CDH11: variants seen among roughly 807,000 people sequenced by gnomAD.
The protein encoded by CDH11 is cadherin-11.
Under a neutral mutation model 67.8 loss-of-function variants are expected in CDH11, and 11 were observed. That is an observed-to-expected ratio of 0.16 (90% CI 0.10 to 0.27). CDH11 has a LOEUF of 0.27. Among genes scored for constraint, CDH11 ranks in the 10% least tolerant of loss-of-function variants. CDH11 has a pLI of 1.00. For synonymous variants in CDH11, 419 were observed against 400.0 expected, an observed-to-expected ratio of 1.05 and a Z score of -0.57; for missense variants, 847 against 1,031.2, an observed-to-expected ratio of 0.82 and a Z score of 2.45.
chr16:65,114,607 T>C (rs2075211634), intron 1 of CDH11, among the ~76,000 whole-genome samples: 1 of 152,012 alleles, frequency 6.6e-6, no homozygotes, highest in Non-Finnish European at 1.5e-5. Flanking sequence ...TCCTTCCTTT[T>C]CCCCGGCAAA....
intron 11 of CDH11, among the ~76,000 whole-genome samples, chr16:64,964,544 T>G (rs531655192): frequency 6.6e-6 from 1 of 151,980 alleles, no homozygotes; most frequent in African/African-American, 2.4e-5. Context: ...TATTTATTTA[T>G]TTATTTATTT....
intron 2 of CDH11, among the ~76,000 whole-genome samples, chr16:65,037,400 A>C (rs1024129877): frequency 2.0e-5 from 3 of 152,162 alleles, no homozygotes; most frequent in Non-Finnish European, 4.4e-5. Flanking sequence ...ACCTCTGTCT[A>C]CACAGCCCCA....
At chr16:65,021,876 G>GAAAAAAAAAAAAAAAAAA (rs35700448) in intron 2 of CDH11, among the ~76,000 whole-genome samples, 2 of 109,846 alleles carry the variant, frequency 1.8e-5, no homozygotes, top group Non-Finnish European at 3.6e-5. Flanking sequence ...AAGTAACTCA[G>GAAAAAAAAAAAAAAAAAA]AAAAAAAAAA....
intron 7 of CDH11, among the ~76,000 whole-genome samples, chr16:64,984,085 T>C (rs2142467114): frequency 6.6e-6 from 1 of 152,302 alleles, no homozygotes; most frequent in Middle Eastern, 3.4e-3. Context: ...ATGTGGGATG[T>C]ACTTTCCCAG....
At chr16:65,085,035 G>A (rs765236674) in intron 1 of CDH11, among the ~76,000 whole-genome samples, 28 of 152,166 alleles carry the variant, frequency 1.8e-4, no homozygotes, top group Admixed American at 7.9e-4. Context: ...TCAGCCTCCC[G>A]AGTAGTTGGG....
intron 2 of CDH11, among the ~76,000 whole-genome samples, chr16:65,008,625 C>T (rs113827744): frequency 6.6e-6 from 1 of 152,188 alleles, no homozygotes; most frequent in Non-Finnish European, 1.5e-5. Flanking sequence ...CATTAAACAA[C>T]TTATGCAGAC....
chr16:65,042,100 T>A (rs548025791), intron 2 of CDH11, among the ~76,000 whole-genome samples: 4 of 152,298 alleles, frequency 2.6e-5, no homozygotes, highest in African/African-American at 9.6e-5. Flanking sequence ...TGTAGTCACA[T>A]TGGTTTAGTC....
intron 1 of CDH11, among the ~76,000 whole-genome samples, chr16:65,055,310 G>T (rs562964592): frequency 2.6e-5 from 4 of 152,194 alleles, no homozygotes; most frequent in Non-Finnish European, 5.9e-5. Flanking sequence ...AACAGCAGAA[G>T]TGACACTCTG....
Position 64,947,050 on chromosome 16 carries a change from A to T in CDH11, c.*553T>A. ...TTAAGATGAAAGTAGAAGCAAAAAGATTTACAAGAATCAGCAGTAACAAGA... is the reference window on the plus strand; with the variant it reads ...TTAAGATGAAAGTAGAAGCAAAAAGTTTTACAAGAATCAGCAGTAACAAGA... On this transcript the variant is annotated 3_prime_UTR_variant, in exon 13 of 13. Transcript: ENST00000268603. The T allele has an allele frequency of 1.9e-6, 2 of 1,032,004 alleles. No individual in the cohort carries two copies. Among genetic ancestry groups the T allele is most frequent in the Non-Finnish European group, 2.3e-6 (2 of 857,710 alleles). 63.9% of individuals were successfully genotyped at this position (1,032,004 alleles called of 1,614,324 possible).
At chr16:64,990,150 C>A (rs970453131) in intron 6 of CDH11, among the ~76,000 whole-genome samples, 3 of 152,154 alleles carry the variant, frequency 2.0e-5, no homozygotes, top group African/African-American at 4.8e-5. Context: ...TGTAACTTTA[C>A]TATATGATTG....
chr16:65,117,573 CACA>C (rs2075263402), intron 1 of CDH11, among the ~76,000 whole-genome samples: 1 of 152,132 alleles, frequency 6.6e-6, no homozygotes, highest in Non-Finnish European at 1.5e-5. Flanking sequence ...TTAGGTTTTT[CACA>C]ACAATATCAA....
At chr16:64,953,456 C>G (rs2071419159) in intron 11 of CDH11, among the ~76,000 whole-genome samples, 1 of 152,028 alleles carries the variant, frequency 6.6e-6, no homozygotes, top group Admixed American at 6.5e-5. Context: ...CAACACAGAA[C>G]AGCCAGCCCT....
chr16:65,023,123 GGACTTGGCCA>G (rs1474675602), intron 2 of CDH11, among the ~76,000 whole-genome samples: 3 of 152,208 alleles, frequency 2.0e-5, no homozygotes, highest in Non-Finnish European at 4.4e-5. Flanking sequence ...GGGTTATAAA[GGACTTGGCCA>G]GCCAGGTGTG....
At chr16:65,075,233 C>T (rs2074489075) in intron 1 of CDH11, among the ~76,000 whole-genome samples, 1 of 152,184 alleles carries the variant, frequency 6.6e-6, no homozygotes, top group South Asian at 2.1e-4. Flanking sequence ...TTAATTGTCA[C>T]CATGCTGGGG....
At chr16:65,065,026 C>T (rs1003752301) in intron 1 of CDH11, among the ~76,000 whole-genome samples, 1 of 152,126 alleles carries the variant, frequency 6.6e-6, no homozygotes, top group African/African-American at 2.4e-5. Flanking sequence ...AGGGTCTCTG[C>T]ACCGCATTTT....
At chr16:65,025,166 G>GA (rs374693549) in intron 2 of CDH11, among the ~76,000 whole-genome samples, 32 of 152,122 alleles carry the variant, frequency 2.1e-4, no homozygotes, top group African/African-American at 6.5e-4. Flanking sequence ...TTCCTTTTAT[G>GA]AAAAAAACAA....
intron 1 of CDH11, chr16:65,059,739 C>A (rs777523452): frequency 3.3e-5 from 5 of 152,216 alleles, no homozygotes; most frequent in Non-Finnish European, 7.3e-5. Context: ...TTGTGTCCAA[C>A]AAAACACGCC....
At position 64,975,265 on chromosome 16, in the gene CDH11, G is replaced by A. The variant is rs183519668; in HGVS notation, c.1254-2225C>T. ...TGCTGTTACACACTGAGAACAAACT[G>A]TGGAAGCTCTCATATGTAAGAGTGT... On this transcript the variant is annotated intron_variant, in intron 8 of 12. Transcript: ENST00000268603. Among the ~76,000 whole-genome samples the A allele has an allele frequency of 3.3e-5, 5 of 152,290 alleles. No homozygotes were observed. In the East Asian group the frequency reaches 9.6e-4, roughly 29 times the overall value.
At chr16:64,950,616 A>ACCCCCCC in intron 12 of CDH11, 151 bp downstream of exon 12, 1 of 122,630 alleles carries the variant, frequency 8.2e-6, no homozygotes, top group Non-Finnish European at 1.3e-5. Flanking sequence ...CACAACGCCC[A>ACCCCCCC]CCCCGCCCCC....
Sources: gnomAD v4.1 joint callset for allele counts (sites outside exome capture counted in the v4.1 genomes callset) on GRCh38, gnomAD v4.1.1 for gene constraint, MANE v1.5 for transcripts, NCBI Gene and HGNC (gene_info 2026-07-23, HGNC 2026-07-21) for gene names.